Variants in FRMPD1 observed in about 807,000 individuals in gnomAD.
FRMPD1 encodes FERM and PDZ domain containing 1.
In FRMPD1, 76 loss-of-function variants were observed where a neutral mutation model predicts 117.8. That is an observed-to-expected ratio of 0.65 (90% CI 0.54 to 0.78). The LOEUF (loss-of-function observed/expected upper bound fraction) is 0.78, where lower values mean the gene tolerates loss of function less well. Ranked by LOEUF, FRMPD1 falls within the 30% of genes least tolerant of loss-of-function variation. FRMPD1 has a pLI of 0.00. For synonymous variants in FRMPD1, 783 were observed against 770.4 expected (o/e 1.02, Z -0.27); for missense variants, 1,786 against 1,964.5 (o/e 0.91, Z 1.72).
At chr9:37,622,473 T>A in the FRMPD1 span, among the ~76,000 whole-genome samples, 66 of 152,306 alleles carry the variant, frequency 4.3e-4, no homozygotes, top group African/African-American at 1.6e-3. Context: ...GAGACAAGGT[T>A]CTAAAAACCA....
intron 2 of FRMPD1, among the ~76,000 whole-genome samples, chr9:37,704,205 A>G (rs1333441481): frequency 6.6e-6 from 1 of 152,202 alleles, no homozygotes; most frequent in Non-Finnish European, 1.5e-5. Context: ...TCTGAAATCT[A>G]AGTATTTCTG....
At chr9:37,688,556 C>T (rs1588929020) in intron 1 of FRMPD1, among the ~76,000 whole-genome samples, 1 of 151,836 alleles carries the variant, frequency 6.6e-6, no homozygotes, top group East Asian at 1.9e-4. Flanking sequence ...AATTTATCCC[C>T]CCAAAAATAT....
chr9:37,692,938 C>G (rs556264706), intron 2 of FRMPD1, among the ~76,000 whole-genome samples, 196 bp downstream of exon 2: 1 of 152,176 alleles, frequency 6.6e-6, no homozygotes, highest in South Asian at 2.1e-4. Context: ...CCAACATGTA[C>G]CTACACACAC....
chr9:37,718,558 G>A (rs915800696), intron 5 of FRMPD1, among the ~76,000 whole-genome samples: 10 of 152,178 alleles, frequency 6.6e-5, no homozygotes, highest in Non-Finnish European at 4.4e-5. Context: ...AGATAAGAGC[G>A]AAGTGGAGCC....
intron 1 of FRMPD1, among the ~76,000 whole-genome samples, chr9:37,689,698 C>T (rs1230497595): frequency 6.6e-6 from 1 of 152,108 alleles, no homozygotes; most frequent in Non-Finnish European, 1.5e-5. Flanking sequence ...CTGTCAGCAT[C>T]CTGAGAAAGG....
chr9:37,668,970 C>A (rs62533873), intron 1 of FRMPD1, among the ~76,000 whole-genome samples: 14,659 of 152,190 alleles, frequency 0.096, 1,009 homozygotes, highest in African/African-American at 0.19. Flanking sequence ...GGATGTGAGA[C>A]CCCAGGCTAG....
At chr9:37,678,765 C>A (rs929349047) in intron 1 of FRMPD1, among the ~76,000 whole-genome samples, 1 of 152,212 alleles carries the variant, frequency 6.6e-6, no homozygotes, top group African/African-American at 2.4e-5. Flanking sequence ...GTGAAGGTAT[C>A]GCAAGACCTG....
At chr9:37,701,961 T>C in intron 2 of FRMPD1, among the ~76,000 whole-genome samples, 1 of 152,094 alleles carries the variant, frequency 6.6e-6, no homozygotes, top group East Asian at 1.9e-4. Context: ...ATTTGAAGGA[T>C]AAGAGTGGAG....
At chr9:37,684,998 C>T (rs979862930) in intron 1 of FRMPD1, among the ~76,000 whole-genome samples, 5 of 152,124 alleles carry the variant, frequency 3.3e-5, no homozygotes, top group Non-Finnish European at 5.9e-5. Context: ...AAGCAATCCT[C>T]CCTGCTCAGC....
chr9:37,622,110 G>A, the FRMPD1 span, among the ~76,000 whole-genome samples: 1 of 152,174 alleles, frequency 6.6e-6, no homozygotes, highest in African/African-American at 2.4e-5. Flanking sequence ...AGTGGATTAT[G>A]GGCATCTGAA....
intron 6 of FRMPD1, among the ~76,000 whole-genome samples, chr9:37,719,819 T>C (rs1336583162): frequency 1.3e-5 from 2 of 152,198 alleles, no homozygotes; most frequent in Admixed American, 1.3e-4. Context: ...GGTTGGGGGT[T>C]CAGAAGACAA....
At chr9:37,732,202 CT>C in intron 9 of FRMPD1, 101 bp from the exon 10 acceptor site, 1 of 1,255,446 alleles carries the variant, frequency 8.0e-7, no homozygotes, top group East Asian at 2.4e-5. Flanking sequence ...AGAGCCAGCT[CT>C]CAAAGCGGAG....
At chr9:37,678,413 A>G (rs1821607004) in intron 1 of FRMPD1, among the ~76,000 whole-genome samples, 1 of 152,004 alleles carries the variant, frequency 6.6e-6, no homozygotes, top group Admixed American at 6.6e-5. Flanking sequence ...GGCATGTGCC[A>G]TCACGTCTGG....
the FRMPD1 span, among the ~76,000 whole-genome samples, chr9:37,639,753 T>C: frequency 6.6e-6 from 1 of 152,146 alleles, no homozygotes; most frequent in Non-Finnish European, 1.5e-5. Context: ...TGGGAGCTTA[T>C]GGGCTCAAGC....
At chr9:37,671,514 G>A (rs772631335) in intron 1 of FRMPD1, among the ~76,000 whole-genome samples, 2 of 152,048 alleles carry the variant, frequency 1.3e-5, no homozygotes, top group Non-Finnish European at 2.9e-5. Context: ...AGACAACCAC[G>A]GCCCTGCTCA....
At chr9:37,744,284 G>A (rs2118523696) in intron 15 of FRMPD1, 105 bp from the exon 16 acceptor site, 10 of 776,674 alleles carry the variant, frequency 1.3e-5, no homozygotes, top group Middle Eastern at 2.9e-4. Flanking sequence ...AGGTTACACA[G>A]CCTAGCCAGA....
intron 1 of FRMPD1, among the ~76,000 whole-genome samples, chr9:37,671,396 G>A (rs1821346802): frequency 6.6e-6 from 1 of 151,952 alleles, no homozygotes; most frequent in Admixed American, 6.6e-5. Context: ...TTTTTCAGTA[G>A]GGCTCTCTTT....
At chr9:37,639,821 T>C in the FRMPD1 span, among the ~76,000 whole-genome samples, 1 of 152,192 alleles carries the variant, frequency 6.6e-6, no homozygotes, top group Non-Finnish European at 1.5e-5. Flanking sequence ...CCACCAGGCC[T>C]AGCTTGCTGT....
At chr9:37,640,838 C>T in the FRMPD1 span, among the ~76,000 whole-genome samples, 1 of 152,180 alleles carries the variant, frequency 6.6e-6, no homozygotes, top group Non-Finnish European at 1.5e-5. Context: ...ATAATGTCTT[C>T]AGTGGCATCA....
Sources: allele counts gnomAD v4.1 joint callset (sites outside exome capture counted in the v4.1 genomes callset), GRCh38; gene constraint gnomAD v4.1.1; transcripts MANE v1.5; gene names NCBI Gene and HGNC (gene_info 2026-07-23, HGNC 2026-07-21).